FXYD1: variants seen among roughly 807,000 people sequenced by gnomAD.
The protein encoded by FXYD1 is phospholemman.
Under a neutral mutation model 17.2 loss-of-function variants are expected in FXYD1, and 9 were observed. That is an observed-to-expected ratio of 0.52 (90% confidence interval 0.32 to 0.91). The LOEUF is 0.91. Among genes scored for constraint, FXYD1 ranks in the 40% least tolerant of loss-of-function variants. FXYD1 has a pLI of 0.04. For synonymous variants in FXYD1, 55 were observed against 45.8 expected, an observed-to-expected ratio of 1.20 and a Z score of -0.81; for missense variants, 113 against 120.6, an observed-to-expected ratio of 0.94 and a Z score of 0.29.
At position 35,139,818 on chromosome 19, in the gene FXYD1, GC is replaced by G. The variant is rs2065234264; in HGVS notation, c.-4-252del. ...TGCGGGAGGTGGAGGCCCAAGGGAG[GC>G]CCCCCGGGGACTGTGTGTCTCACCC... is the stretch of plus-strand genomic sequence containing the variant. On this transcript the variant is annotated intron_variant, in intron 1 of 7. Transcript: ENST00000351325. The G allele has an allele frequency of 1.4e-5, 6 of 417,452 alleles. No homozygotes were observed. The South Asian group carries it at 1.5e-4, about 10-fold the overall frequency. 25.9% of individuals were successfully genotyped at this position (417,452 alleles called of 1,614,324 possible).
intron 3 of FXYD1, 142 bp from the exon 4 acceptor site, chr19:35,140,990 A>G (rs1475484737): frequency 2.9e-5 from 13 of 453,356 alleles, no homozygotes; most frequent in Non-Finnish European, 4.8e-5. Context: ...TCCTCCTCCC[A>G]TATCTGCTCC....
In FXYD1 at chr19:35,141,166, C is replaced by G. The variant is rs1759609004; in HGVS notation, c.129C>G (p.Ile43Met). The G allele has an allele frequency of 6.2e-7, 1 of 1,611,256 alleles. No homozygotes were observed. The highest frequency in any genetic ancestry group is 1.3e-5 in the African/African-American group (1 of 74,780). ...CCCTGCAGATCGGAGGCCTCGTCAT[C>G]GCCGGGATCCTCTTCATCCTGGGCA... ...YQSLQIGGLV[I>M]AGILFILGIL... The change falls in exon 4 of 8, where the codon ATC becomes ATG. Residue 43 changes from isoleucine (I) to methionine (M), a missense_variant. Coordinates refer to ENST00000351325, the MANE Select transcript of FXYD1 (RefSeq NM_021902.4).
intron 6 of FXYD1, 88 bp downstream of exon 6, chr19:35,142,609 A>G: frequency 6.5e-7 from 1 of 1,540,664 alleles, no homozygotes; most frequent in Non-Finnish European, 9.0e-7. Flanking sequence ...CGTAGAGGGA[A>G]GGGCTGGATC....
Position 35,142,788 on chromosome 19 carries a change from A to T in FXYD1, c.*29+17A>T. 1 of 1,595,778 alleles carries T rather than the reference A, an allele frequency of 6.3e-7. No homozygotes were observed. The highest frequency in any genetic ancestry group is 8.6e-7 in the Non-Finnish European group (1 of 1,165,070). ...TCCGGCCAGGTGCTGCAGCTCTGACACGGCGGTGGGAGGGAAGGAGGGAGG... is the reference window on the plus strand; with the variant it reads ...TCCGGCCAGGTGCTGCAGCTCTGACTCGGCGGTGGGAGGGAAGGAGGGAGG... On this transcript the variant is annotated intron_variant, in intron 7 of 7. Transcript: ENST00000351325.
chr19:35,139,983 G>A, intron 1 of FXYD1, 93 bp from the exon 2 acceptor site: 1 of 1,099,766 alleles, frequency 9.1e-7, no homozygotes, highest in Non-Finnish European at 1.4e-6. Context: ...CTGTGATTCA[G>A]TCCCCAGACT....
At chr19:35,137,397 G>A (rs1298757424), upstream of FXYD1, among the ~76,000 whole-genome samples, 2 of 152,228 alleles carry the variant, frequency 1.3e-5, no homozygotes, top group Non-Finnish European at 2.9e-5. Context: ...CTGCGCATCT[G>A]TCACCGTGGC....
intron 2 of FXYD1, 100 bp downstream of exon 2, chr19:35,140,240 T>C: frequency 1.3e-6 from 1 of 767,938 alleles, no homozygotes; most frequent in Non-Finnish European, 2.3e-6. Flanking sequence ...CTAAGTCGGC[T>C]GGGGTACCAA....
intron 6 of FXYD1, 49 bp downstream of exon 6, chr19:35,142,570 G>C (rs867846506): frequency 6.3e-7 from 1 of 1,585,852 alleles, no homozygotes; most frequent in African/African-American, 1.3e-5. Flanking sequence ...CTGGTTCCAA[G>C]GACCGCTTTT....
chr19:35,140,042 G>A (rs372831407), intron 1 of FXYD1, 34 bp from the exon 2 acceptor site: 3 of 1,603,320 alleles, frequency 1.9e-6, no homozygotes, highest in Non-Finnish European at 2.6e-6. Flanking sequence ...GAGAGCAAGG[G>A]CACACACTGC....
At chr19:35,140,015 G>A (rs973814198) in intron 1 of FXYD1, 61 bp from the exon 2 acceptor site, 3 of 1,456,484 alleles carry the variant, frequency 2.1e-6, no homozygotes, top group Non-Finnish European at 2.9e-6. Context: ...AATCCCTTGG[G>A]TTCAAGCCCT....
rs957472000 is a variant in FXYD1 at position 35,141,638 on chromosome 19, G to A, written c.206+66G>A. On this transcript the variant is annotated intron_variant, in intron 5 of 7. Coordinates refer to ENST00000351325, the MANE Select transcript of FXYD1 (RefSeq NM_021902.4). ...CTGGAGGGCGCCGCGGGTGAGGCGGGGAGTACCCCTGACCCGCAGCCCGAT... is the reference window on the plus strand; with the variant it reads ...CTGGAGGGCGCCGCGGGTGAGGCGGAGAGTACCCCTGACCCGCAGCCCGAT... The A allele has an allele frequency of 1.1e-5, 14 of 1,318,186 alleles. No individual in the cohort carries two copies. In the Admixed American group the frequency reaches 1.8e-4, roughly 17 times the overall value. 81.7% of individuals were successfully genotyped at this position (1,318,186 alleles called of 1,614,324 possible).
chr19:35,142,634 G>A (rs934324366), intron 6 of FXYD1, 86 bp from the exon 7 acceptor site: 7 of 1,540,782 alleles, frequency 4.5e-6, no homozygotes, highest in Non-Finnish European at 6.3e-6. Context: ...AGCGGAGGGC[G>A]GGGAGTTGCC....
chr19:35,139,945 G>C (rs2065235837), intron 1 of FXYD1, 131 bp from the exon 2 acceptor site: 1 of 766,048 alleles, frequency 1.3e-6, no homozygotes, highest in African/African-American at 1.7e-5. Context: ...CTCTAGCTTG[G>C]AGCCACCAAG....
chr19:35,142,290 C>T, intron 5 of FXYD1, 182 bp from the exon 6 acceptor site: 1 of 570,388 alleles, frequency 1.8e-6, no homozygotes, highest in Non-Finnish European at 3.1e-6. Context: ...CTTAGAAGCC[C>T]CCTGCCAGCA....
intron 4 of FXYD1, 158 bp from the exon 5 acceptor site, chr19:35,141,378 C>T: frequency 3.0e-6 from 2 of 658,132 alleles, no homozygotes; most frequent in Non-Finnish European, 5.4e-6. Context: ...CAGGCCTTGC[C>T]CCGCCTACCC....
intron 3 of FXYD1, 182 bp from the exon 4 acceptor site, chr19:35,140,950 C>A: frequency 1.9e-6 from 1 of 514,304 alleles, no homozygotes; most frequent in Non-Finnish European, 3.5e-6. Context: ...CTTTCCTATA[C>A]ACCCCTTTCC....
intron 3 of FXYD1, 56 bp from the exon 4 acceptor site, chr19:35,141,076 T>C: frequency 9.3e-7 from 1 of 1,075,980 alleles, no homozygotes; most frequent in East Asian, 2.4e-5. Context: ...TTTACCCCTC[T>C]CCTATTCTCC....
intron 2 of FXYD1, 43 bp from the exon 3 acceptor site, chr19:35,140,554 G>A: frequency 6.3e-7 from 1 of 1,594,902 alleles, no homozygotes; most frequent in Non-Finnish European, 8.6e-7. Flanking sequence ...TCCCTGCCAG[G>A]ACCCCAGGAA....
chr19:35,139,728 CTGTG>C (rs2065233074), intron 1 of FXYD1: 1 of 278,326 alleles, frequency 3.6e-6, no homozygotes, highest in African/African-American at 2.2e-5. Context: ...GTCTCCTGCT[CTGTG>C]TTTGTGTGAG....
Sources: gnomAD v4.1 joint callset for allele counts (sites outside exome capture counted in the v4.1 genomes callset) on GRCh38, gnomAD v4.1.1 for gene constraint, MANE v1.5 for transcripts, NCBI Gene and HGNC (gene_info 2026-07-23, HGNC 2026-07-21) for gene names.